SLC24A4: variants seen among roughly 807,000 people sequenced by gnomAD.
The protein encoded by SLC24A4 is solute carrier family 24 member 4.
Under a neutral mutation model 79.0 loss-of-function variants are expected in SLC24A4, and 53 were observed. That is an observed-to-expected ratio of 0.67 (90% confidence interval 0.54 to 0.84). SLC24A4 has a LOEUF of 0.84. Among genes scored for constraint, SLC24A4 ranks in the 40% least tolerant of loss-of-function variants. SLC24A4 has a pLI of 0.00. For missense variants in SLC24A4, 731 were observed against 822.0 expected (o/e 0.89, Z 1.35); for synonymous variants, 323 against 323.8 (o/e 1.00, Z 0.03).
intron 2 of SLC24A4, among the ~76,000 whole-genome samples, chr14:92,419,178 C>T (rs1437855218): frequency 6.6e-6 from 1 of 152,204 alleles, no homozygotes; most frequent in East Asian, 1.9e-4. Context: ...ATGACTACTA[C>T]TGCCCAGCCA....
At chr14:92,486,912 T>C in intron 14 of SLC24A4, 132 bp downstream of exon 14, 1 of 603,344 alleles carries the variant, frequency 1.7e-6, no homozygotes, top group East Asian at 2.9e-5. Flanking sequence ...GGAGAAAAAC[T>C]GCGACATCTA....
intron 12 of SLC24A4, chr14:92,457,660 C>T (rs772984945): frequency 3.3e-5 from 5 of 152,598 alleles, no homozygotes; most frequent in African/African-American, 7.2e-5. Context: ...TTTAACTAAG[C>T]CTTCCGTGAG....
At chr14:92,433,309 C>T (rs905116279) in intron 2 of SLC24A4, among the ~76,000 whole-genome samples, 2 of 152,194 alleles carry the variant, frequency 1.3e-5, no homozygotes, top group African/African-American at 4.8e-5. Context: ...ATGAGTTGCT[C>T]AGAGCTGCCT....
At chr14:92,465,293 G>GC (rs1446067454) in intron 12 of SLC24A4, among the ~76,000 whole-genome samples, 10 of 152,128 alleles carry the variant, frequency 6.6e-5, no homozygotes, top group African/African-American at 2.4e-4. Flanking sequence ...GAGATTAATG[G>GC]CCCCCCTAGT....
At chr14:92,465,673 G>C (rs1894065264) in intron 12 of SLC24A4, among the ~76,000 whole-genome samples, 2 of 152,066 alleles carry the variant, frequency 1.3e-5, no homozygotes, top group Admixed American at 1.3e-4. Context: ...GCATACACAG[G>C]ATCCCTGTGT....
intron 2 of SLC24A4, among the ~76,000 whole-genome samples, chr14:92,422,287 G>A (rs181243444): frequency 7.6e-4 from 116 of 152,292 alleles, no homozygotes; most frequent in African/African-American, 2.0e-3. Flanking sequence ...CCAGTGCCTC[G>A]CTAGTGGAGG....
chr14:92,395,432 A>C (rs202041942), intron 2 of SLC24A4, among the ~76,000 whole-genome samples: 6 of 144,816 alleles, frequency 4.1e-5, no homozygotes, highest in African/African-American at 1.3e-4. Context: ...AACAAAACAA[A>C]ACACACACAC....
At chr14:92,484,020 C>G (rs550832408) in intron 13 of SLC24A4, 2 of 985,364 alleles carry the variant, frequency 2.0e-6, no homozygotes, top group Non-Finnish European at 2.4e-6. Flanking sequence ...CTAGTCCTAC[C>G]TCTTGCAAAC....
At chr14:92,430,762 C>T (rs1400525110) in intron 2 of SLC24A4, among the ~76,000 whole-genome samples, 1 of 152,212 alleles carries the variant, frequency 6.6e-6, no homozygotes, top group Non-Finnish European at 1.5e-5. Flanking sequence ...TGGGATCATC[C>T]CTGGTTCCTT....
intron 3 of SLC24A4, among the ~76,000 whole-genome samples, chr14:92,434,431 T>TA (rs753046210): frequency 1.3e-5 from 2 of 152,222 alleles, no homozygotes; most frequent in Non-Finnish European, 2.9e-5. Flanking sequence ...TGGTTCCACT[T>TA]ACTATTTTTC....
intron 2 of SLC24A4, among the ~76,000 whole-genome samples, chr14:92,349,250 C>CT (rs1250027632): frequency 6.6e-6 from 1 of 151,884 alleles, no homozygotes; most frequent in East Asian, 1.9e-4. Flanking sequence ...AACTCCACCT[C>CT]TTGAGTTCAA....
At chr14:92,438,046 G>C (rs1404392294) in intron 3 of SLC24A4, among the ~76,000 whole-genome samples, 1 of 152,176 alleles carries the variant, frequency 6.6e-6, no homozygotes, top group Non-Finnish European at 1.5e-5. Context: ...GACACCAGCT[G>C]GGTGTCCTCT....
At chr14:92,409,442 G>A (rs11845652) in intron 2 of SLC24A4, among the ~76,000 whole-genome samples, 86,500 of 152,150 alleles carry the variant, frequency 0.57, 26,076 homozygotes, top group East Asian at 0.83. Flanking sequence ...ATTTGGAGCT[G>A]TGCAGCTGCT....
rs1454606847 is a variant in SLC24A4 at position 92,344,144 on chromosome 14, C to T, written c.241+18166C>T. 2.6e-5 allele frequency among the ~76,000 whole-genome samples: 4 copies of T among 152,174 alleles called. No individual in the cohort carries two copies. The East Asian group carries it at 7.7e-4, about 29-fold the overall frequency. On this transcript the variant is annotated intron_variant, in intron 2 of 16. Transcript: ENST00000532405. Reference sequence around the variant, plus strand: ...GACATGGACATGTGACTTGCTTTGGCCAATGGATGTGAGCAGACACCACTT... The same window carrying T: ...GACATGGACATGTGACTTGCTTTGGTCAATGGATGTGAGCAGACACCACTT...
intron 12 of SLC24A4, among the ~76,000 whole-genome samples, chr14:92,476,066 C>T (rs74569180): frequency 0.011 from 1,600 of 152,246 alleles, 40 homozygotes; most frequent in African/African-American, 0.037. Flanking sequence ...AAGGCAAACA[C>T]CTCATGCAGT....
At chr14:92,371,236 A>G (rs958689867) in intron 2 of SLC24A4, among the ~76,000 whole-genome samples, 1 of 152,240 alleles carries the variant, frequency 6.6e-6, no homozygotes, top group African/African-American at 2.4e-5. Context: ...TTTCACATAC[A>G]TACGGTGGGT....
At chr14:92,473,624 C>G (rs1305778539) in intron 12 of SLC24A4, among the ~76,000 whole-genome samples, 2 of 152,130 alleles carry the variant, frequency 1.3e-5, no homozygotes, top group East Asian at 3.8e-4. Context: ...TTCCTGGAGC[C>G]AGGGCAGAGG....
chr14:92,377,668 G>T (rs12879096), intron 2 of SLC24A4, among the ~76,000 whole-genome samples: 2,829 of 152,298 alleles, frequency 0.019, 46 homozygotes, highest in Non-Finnish European at 0.028. Flanking sequence ...GACAGGGTCA[G>T]GGTACATTCT....
At position 92,323,687 on chromosome 14, in the gene SLC24A4, C is replaced by T; in HGVS notation, c.-144C>T. The T allele has an allele frequency of 2.8e-6, 3 of 1,065,894 alleles. No homozygotes were observed. The highest frequency in any genetic ancestry group is 3.8e-6 in the Non-Finnish European group (3 of 784,720). The allele number at this position is 1,065,894 out of a possible 1,614,324, so 66.0% of individuals were successfully genotyped here. ...GGGGCTCCCCCGCCGACCTCGCCCTCGGGCCATGAGGCTTTGGCCCGGAGC... is the reference window on the plus strand; with the variant it reads ...GGGGCTCCCCCGCCGACCTCGCCCTTGGGCCATGAGGCTTTGGCCCGGAGC... On this transcript the variant is annotated 5_prime_UTR_variant, in exon 1 of 17. Coordinates refer to ENST00000532405, the MANE Select transcript of SLC24A4 (RefSeq NM_153646.4). The surrounding 1 kb of genome is among the most constrained non-coding windows in gnomAD (Gnocchi z 4.9).
Sources: allele counts gnomAD v4.1 joint callset (sites outside exome capture counted in the v4.1 genomes callset), GRCh38; gene constraint gnomAD v4.1.1; non-coding constraint Gnocchi (gnomAD v3.1); transcripts MANE v1.5; gene names NCBI Gene and HGNC (gene_info 2026-07-23, HGNC 2026-07-21).